Variants in ADD2 observed in about 807,000 individuals in gnomAD.
ADD2 encodes the protein beta-adducin.
Under a neutral mutation model 83.0 loss-of-function variants are expected in ADD2, and 23 were observed. The observed-to-expected ratio is 0.28, with a 90% CI of 0.20 to 0.39. The LOEUF is 0.39. Among genes scored for constraint, ADD2 ranks in the 10% least tolerant of loss-of-function variants. The pLI, the probability that ADD2 is intolerant of heterozygous loss-of-function variation, is 1.00. For missense variants in ADD2, 758 were observed against 944.9 expected (o/e 0.80, Z 2.59); for synonymous variants, 375 against 375.4 (o/e 1.00, Z 0.01).
chr2:70,729,890 T>A (rs994881061), intron 1 of ADD2, among the ~76,000 whole-genome samples: 19 of 152,202 alleles, frequency 1.2e-4, no homozygotes, highest in Admixed American at 1.2e-3. Flanking sequence ...CATTTCCATA[T>A]TTAAGGAAAT....
chr2:70,702,735 G>A (rs1300821629), intron 4 of ADD2, among the ~76,000 whole-genome samples: 1 of 150,130 alleles, frequency 6.7e-6, no homozygotes, highest in East Asian at 1.9e-4. Context: ...ACAGATAATA[G>A]AGAAACAGCT....
chr2:70,725,372 T>C (rs1362770680), intron 1 of ADD2, among the ~76,000 whole-genome samples: 4 of 152,166 alleles, frequency 2.6e-5, no homozygotes, highest in Non-Finnish European at 1.5e-5. Context: ...GGAATCTGTA[T>C]TGGGTTGAAT....
At chr2:70,680,852 A>G (rs1237718833) in intron 10 of ADD2, among the ~76,000 whole-genome samples, 1 of 152,158 alleles carries the variant, frequency 6.6e-6, no homozygotes, top group Non-Finnish European at 1.5e-5. Flanking sequence ...AACTGAAATC[A>G]CCTTTGCAAA....
intron 1 of ADD2, chr2:70,767,458 C>T: frequency 4.3e-6 from 1 of 229,954 alleles, no homozygotes; most frequent in Non-Finnish European, 7.3e-6. Context: ...CCGCCAAGCC[C>T]GCCTCGCACC....
intron 1 of ADD2, 100 bp downstream of exon 1, chr2:70,767,786 G>T: frequency 6.7e-7 from 1 of 1,496,320 alleles, no homozygotes; most frequent in South Asian, 1.3e-5. Flanking sequence ...CGCCCCACCT[G>T]GGCCAAGCGG....
At chr2:70,748,723 A>G (rs1674359238) in intron 1 of ADD2, among the ~76,000 whole-genome samples, 1 of 152,244 alleles carries the variant, frequency 6.6e-6, no homozygotes, top group Non-Finnish European at 1.5e-5. Flanking sequence ...CATTGCTTCT[A>G]CAATGCATTT....
intron 6 of ADD2, among the ~76,000 whole-genome samples, chr2:70,694,937 G>C (rs782478763): frequency 4.0e-5 from 6 of 151,718 alleles, no homozygotes; most frequent in Non-Finnish European, 7.4e-5. Flanking sequence ...CTCTGACTTG[G>C]CCATCATCTC....
At chr2:70,670,190 A>G (rs740390) in intron 15 of ADD2, among the ~76,000 whole-genome samples, 22,987 of 152,266 alleles carry the variant, frequency 0.15, 1,933 homozygotes, top group African/African-American at 0.23. Flanking sequence ...AACATCAAGT[A>G]CTGTATTAGC....
chr2:70,753,088 C>T (rs1558580421), intron 1 of ADD2, among the ~76,000 whole-genome samples: 1 of 152,106 alleles, frequency 6.6e-6, no homozygotes, highest in Non-Finnish European at 1.5e-5. Flanking sequence ...CTCTCTCACA[C>T]TTAGAGGTCT....
chr2:70,675,964 G>A (rs1574225573), intron 13 of ADD2: 2 of 985,466 alleles, frequency 2.0e-6, no homozygotes, highest in Non-Finnish European at 2.4e-6. Context: ...TCTTGGCTGA[G>A]TTGGGGTTGG....
rs782666159 is a variant in ADD2, at chr2:70,674,642, G to A, written c.1741+36C>T. 5.0e-6 allele frequency: 8 copies of A among 1,596,366 alleles called. No individual in the cohort carries two copies. The East Asian group carries it at 1.6e-4, about 31-fold the overall frequency. On this transcript the variant is annotated intron_variant, in intron 14 of 15. Transcript: ENST00000264436. ...CTGAGCTCTCCCCTCCACCCTGGGG[G>A]ACTTGGAAGCAAGGGTGTGCCTCAG...
intron 15 of ADD2, among the ~76,000 whole-genome samples, chr2:70,666,385 T>G (rs1483317713): frequency 1.3e-5 from 2 of 152,238 alleles, no homozygotes; most frequent in Non-Finnish European, 2.9e-5. Context: ...ACACCAGCCC[T>G]GAGTGCTGGC....
At chr2:70,705,875 TG>T (rs1671859912) in intron 3 of ADD2, among the ~76,000 whole-genome samples, 1 of 152,218 alleles carries the variant, frequency 6.6e-6, no homozygotes, top group East Asian at 1.9e-4. Flanking sequence ...GGCACCCTGC[TG>T]GTCTCTAGTT....
chr2:70,695,595 T>C, intron 6 of ADD2, 126 bp downstream of exon 6: 1 of 807,376 alleles, frequency 1.2e-6, no homozygotes, highest in Admixed American at 2.1e-5. Context: ...GTGTCTTCTC[T>C]GCCCTATCAG....
intron 7 of ADD2, among the ~76,000 whole-genome samples, chr2:70,692,090 C>A (rs1236279326): frequency 6.6e-6 from 1 of 152,224 alleles, no homozygotes; most frequent in African/African-American, 2.4e-5. Context: ...TATCTCCTTG[C>A]CAGAGCCTGG....
chr2:70,677,924 T>G lies in ADD2; in HGVS notation c.1384-47A>C, dbSNP rs782758494. 6.8e-6 allele frequency: 11 copies of G among 1,611,832 alleles called. No individual in the cohort carries two copies. In the South Asian group the frequency reaches 1.1e-4, roughly 16 times the overall value. On this transcript the variant is annotated intron_variant, in intron 11 of 15. Transcript: ENST00000264436. Reference sequence around the variant, plus strand: ...GGGCTGAGGTGAGGGAACAGGCCCATGAGTCCTCCCCAGTGGTCCACCCAC... The same window carrying G: ...GGGCTGAGGTGAGGGAACAGGCCCAGGAGTCCTCCCCAGTGGTCCACCCAC...
chr2:70,719,435 G>T (rs550270733), intron 1 of ADD2, among the ~76,000 whole-genome samples: 2 of 152,190 alleles, frequency 1.3e-5, no homozygotes, highest in Non-Finnish European at 2.9e-5. Flanking sequence ...TCACCAGGGG[G>T]TCCTAACCTC....
chr2:70,704,237 A>C, intron 4 of ADD2, 84 bp downstream of exon 4: 1 of 1,483,100 alleles, frequency 6.7e-7, no homozygotes, highest in Non-Finnish European at 9.2e-7. Flanking sequence ...TGGCAACCAG[A>C]TGCTTCTTGC....
intron 1 of ADD2, among the ~76,000 whole-genome samples, chr2:70,764,811 C>T (rs1553385688): frequency 6.6e-6 from 1 of 151,454 alleles, no homozygotes. Context: ...GAGCAAGATT[C>T]CGCAAAAAAG....
Sources: allele counts gnomAD v4.1 joint callset (sites outside exome capture counted in the v4.1 genomes callset), GRCh38; gene constraint gnomAD v4.1.1; transcripts MANE v1.5; gene names NCBI Gene and HGNC (gene_info 2026-07-23, HGNC 2026-07-21).